MYO1G: variants seen among roughly 807,000 people sequenced by gnomAD.
The protein encoded by MYO1G is unconventional myosin-Ig.
MYO1G carries 65 observed loss-of-function variants against 115.3 expected under a neutral mutation model. The ratio of observed to expected loss-of-function variants is 0.56; its 90% CI spans 0.46 to 0.69. The LOEUF (loss-of-function observed/expected upper bound fraction) is 0.69. Among genes scored for constraint, MYO1G ranks in the 30% least tolerant of loss-of-function variants. The pLI, the probability that MYO1G is intolerant of heterozygous loss-of-function variation, is 0.00. For missense variants in MYO1G, 1,204 were observed against 1,393.5 expected, an observed-to-expected ratio of 0.86 and a Z score of 2.16; for synonymous variants, 510 against 552.6, an observed-to-expected ratio of 0.92 and a Z score of 1.08.
At position 44,963,329 on chromosome 7, in the gene MYO1G, A is replaced by G. The variant is rs978257595; in HGVS notation, c.2746-205T>C. On this transcript the variant is annotated intron_variant, in intron 20 of 21. Coordinates refer to ENST00000258787, the MANE Select transcript of MYO1G (RefSeq NM_033054.3). This position sits in a 1 kb window ranked among gnomAD's most constrained non-coding sequence, Gnocchi z 4.1. The stretch of plus-strand genomic sequence containing the variant: ...GGAAGCTTGGGCGGGACGCTGCACA[A>G]TACGATTTTCTCCAGGACTGATGGT... 21 of 558,390 alleles carry G rather than the reference A, an allele frequency of 3.8e-5. No individual in the cohort carries two copies. The highest frequency in any genetic ancestry group is 1.5e-4 in the Admixed American group (4 of 26,138). 34.6% of individuals were successfully genotyped at this position (558,390 alleles called of 1,614,324 possible). A position where few individuals can be genotyped will look rare whatever the true frequency, so the allele number is the denominator to read the frequency against.
chr7:44,962,873 G>T lies in MYO1G; in HGVS notation c.2923C>A (p.Arg975Ser). The T allele has an allele frequency of 6.7e-7, 1 of 1,494,726 alleles. No individual in the cohort carries two copies. Among genetic ancestry groups the T allele is most frequent in the Middle Eastern group, 1.8e-4 (1 of 5,556 alleles). The allele number at this position is 1,494,726 out of a possible 1,614,324, so 92.6% of individuals were successfully genotyped here. A position where few individuals can be genotyped will look rare whatever the true frequency, so the allele number is the denominator to read the frequency against. The change falls in exon 22 of 22, where the codon CGC (arginine) becomes AGC (serine). Residue 975 changes from arginine to serine, a missense_variant. Coordinates refer to ENST00000258787, the MANE Select transcript of MYO1G (RefSeq NM_033054.3). This position sits in a 1 kb window ranked among gnomAD's most constrained non-coding sequence, Gnocchi z 5.3. ...CTTAGTGGGATGCAGTCGGAGACGC[G>T]AACCTCCAGGGTGCGGCCCTCCCTG... ...CQGEGRTLEV[R>S]VSDCIPLSHR...
chr7:44,977,122 C>A, intron 1 of MYO1G, 51 bp from the exon 2 acceptor site: 1 of 1,573,814 alleles, frequency 6.4e-7, no homozygotes, highest in Non-Finnish European at 8.7e-7. Context: ...CAGGCACCCA[C>A]AGGCCTTTCG....
At position 44,970,722 on chromosome 7, in the gene MYO1G, G is replaced by A; in HGVS notation, c.1087C>T (p.Leu363=). Residue 363 remains leucine (L), a synonymous_variant, in exon 9 of 22, where the codon CTG becomes TTG. Transcript: ENST00000258787. ...DACAKAVYQR[L]FEWVVNRINS... ...ATCCTGTTCACCACCCACTCAAACA[G>A]CCGCTGGTACACTGCCTGGGGGATA... 6.2e-7 allele frequency: 1 copy of A among 1,614,002 alleles called. No homozygotes were observed. Among genetic ancestry groups the A allele is most frequent in the Non-Finnish European group, 8.5e-7 (1 of 1,180,028 alleles).
intron 7 of MYO1G, 89 bp downstream of exon 7, chr7:44,971,584 C>T (rs1362031743): frequency 4.2e-6 from 4 of 947,854 alleles, no homozygotes; most frequent in Admixed American, 4.5e-5. Context: ...GGGGCATCTC[C>T]AGCCAGTCTC....
At position 44,969,637 on chromosome 7, in the gene MYO1G, G is replaced by T. The variant is rs774729936; in HGVS notation, c.1503+68C>A. The stretch of plus-strand genomic sequence containing the variant: ...CCCCAACCAGGCCCCACGAGGCATG[G>T]GCAGCATGGTGCCTGTGGGGCAGGT... On this transcript the variant is annotated intron_variant, in intron 11 of 21. Coordinates refer to ENST00000258787, the MANE Select transcript of MYO1G (RefSeq NM_033054.3). This position sits in a 1 kb window ranked among gnomAD's most constrained non-coding sequence, Gnocchi z 5.0. 3.5e-4 allele frequency: 554 copies of T among 1,591,176 alleles called. 2 individuals carry two copies. The highest frequency in any genetic ancestry group is 8.0e-5 in the Non-Finnish European group (93 of 1,165,192).
rs1422965801 is a variant in MYO1G at position 44,969,668 on chromosome 7, C to T, written c.1503+37G>A. On this transcript the variant is annotated intron_variant, in intron 11 of 21. Coordinates refer to ENST00000258787, the MANE Select transcript of MYO1G (RefSeq NM_033054.3). The surrounding 1 kb of genome is among the most constrained non-coding windows in gnomAD (Gnocchi z 5.0). ...ATGGTGCCTGTGGGGCAGGTCCCAC[C>T]AGCCCACTGTGGTGGCACTGGGACA... 1.2e-6 allele frequency: 2 copies of T among 1,607,114 alleles called. No individual in the cohort carries two copies. The highest frequency in any genetic ancestry group is 1.3e-5 in the African/African-American group (1 of 74,816).
intron 4 of MYO1G, 47 bp downstream of exon 4, chr7:44,975,437 T>A: frequency 6.3e-7 from 1 of 1,577,620 alleles, no homozygotes; most frequent in Non-Finnish European, 8.6e-7. Context: ...CTGGGATGGG[T>A]CTCGGCCAGG....
chr7:44,967,606 T>C lies in MYO1G; in HGVS notation c.1781A>G (p.Lys594Arg). ...GAGTGGGAGAGGGGTGGAACATACC[T>C]TGGAGGCAAGGTTCTCCACCAGGGC... ...MVALVENLAS[K>R]EPFYVRCIKP... The change falls in exon 14 of 22, where the codon AAG becomes AGG. Residue 594 changes from lysine to arginine, a missense_variant and splice_region_variant. By Grantham distance (26) the Lys-to-Arg change is conservative. Transcript: ENST00000258787. 1 of 1,613,780 alleles carries C rather than the reference T, an allele frequency of 6.2e-7. No homozygotes were observed. The highest frequency in any genetic ancestry group is 8.5e-7 in the Non-Finnish European group (1 of 1,180,014).
At position 44,966,920 on chromosome 7, in the gene MYO1G, C is replaced by T; in HGVS notation, c.1783-82G>A. 1.4e-6 allele frequency: 2 copies of T among 1,405,330 alleles called. No individual in the cohort carries two copies. The highest frequency in any genetic ancestry group is 1.9e-6 in the Non-Finnish European group (2 of 1,038,356). The allele number at this position is 1,405,330 out of a possible 1,614,324, so 87.1% of individuals were successfully genotyped here. ...CCCCACACCAGGGGCTTCCTAACCC[C>T]TCAAGGTCCCAGGCCAGGAGAAGAG... On this transcript the variant is annotated intron_variant, in intron 14 of 21. Transcript: ENST00000258787. This position sits in a 1 kb window ranked among gnomAD's most constrained non-coding sequence, Gnocchi z 5.0.
chr7:44,966,601 C>A lies in MYO1G; in HGVS notation c.1949+71G>T. The A allele has an allele frequency of 6.3e-7, 1 of 1,589,692 alleles. No homozygotes were observed. Among genetic ancestry groups the A allele is most frequent in the African/African-American group, 1.3e-5 (1 of 74,532 alleles). On this transcript the variant is annotated intron_variant, in intron 15 of 21. Coordinates refer to ENST00000258787, the MANE Select transcript of MYO1G (RefSeq NM_033054.3). The surrounding 1 kb of genome is among the most constrained non-coding windows in gnomAD (Gnocchi z 5.0). Reference sequence around the variant, plus strand: ...GTTTGCGACGTGCTGTTTGGGGACCCTCTGCTCCTACCCCTTGGACTCCAC... The same window carrying A: ...GTTTGCGACGTGCTGTTTGGGGACCATCTGCTCCTACCCCTTGGACTCCAC...
intron 17 of MYO1G, among the ~76,000 whole-genome samples, 200 bp from the exon 18 acceptor site, chr7:44,965,289 G>A (rs1453548469): frequency 6.6e-6 from 1 of 152,236 alleles, no homozygotes; most frequent in South Asian, 2.1e-4. Flanking sequence ...CAGTCGCCCA[G>A]TGTCCTCCTG....
chr7:44,966,453 C>T lies in MYO1G; in HGVS notation c.1950-173G>A. 2.5e-6 allele frequency: 2 copies of T among 811,648 alleles called. No individual in the cohort carries two copies. The highest frequency in any genetic ancestry group is 5.3e-5 in the East Asian group (2 of 37,774). 50.3% of individuals were successfully genotyped at this position (811,648 alleles called of 1,614,324 possible). A position where few individuals can be genotyped will look rare whatever the true frequency, so the allele number is the denominator to read the frequency against. On this transcript the variant is annotated intron_variant, in intron 15 of 21. Coordinates refer to ENST00000258787, the MANE Select transcript of MYO1G (RefSeq NM_033054.3). The surrounding 1 kb of genome is among the most constrained non-coding windows in gnomAD (Gnocchi z 5.0). Reference sequence around the variant, plus strand: ...ACACATGTCCTCACATACATGTCCTCACACAGCCCTCATACCCATGTTCCC... The same window carrying T: ...ACACATGTCCTCACATACATGTCCTTACACAGCCCTCATACCCATGTTCCC...
At position 44,965,811 on chromosome 7, in the gene MYO1G, A is replaced by C; in HGVS notation, c.2207T>G (p.Ile736Ser). The change falls in exon 17 of 22, where the codon ATC becomes AGC. Residue 736 changes from isoleucine (I) to serine (S), a missense_variant. Transcript: ENST00000258787. ...CCGGAACCAGCGCATGATGGTGTAG[A>C]TAGCCCTCAGCCTCCGGCAGCGCCA... ...ARWRCRRLRA[I>S]YTIMRWFRRH... is the part of the protein sequence containing the mutation. 1 of 1,603,028 alleles carries C rather than the reference A, an allele frequency of 6.2e-7. No individual in the cohort carries two copies. Among genetic ancestry groups the C allele is most frequent in the East Asian group, 2.2e-5 (1 of 44,862 alleles).
In MYO1G at chr7:44,965,853, C is replaced by T. The variant is rs1195429620; in HGVS notation, c.2165G>A (p.Arg722Gln). Residue 722 changes from arginine (R) to glutamine (Q), a missense_variant, in exon 17 of 22, where the codon CGG (arginine) becomes CAG (glutamine). Physicochemically the swap from Arg to Gln is conservative, Grantham distance 43. Transcript: ENST00000258787. ...IIVLLLQKAW[R>Q]GTLARWRCRR... ...GCAGCGCCACCTCGCCAAGGTGCCC[C>T]GCCATGCCTGGGTGGGCCAGGTGGG... is the stretch of plus-strand genomic sequence containing the variant. The T allele has an allele frequency of 8.1e-6, 13 of 1,598,846 alleles. No individual in the cohort carries two copies. Among genetic ancestry groups the T allele is most frequent in the East Asian group, 2.2e-5 (1 of 44,860 alleles).
At position 44,965,658 on chromosome 7, in the gene MYO1G, G is replaced by A; in HGVS notation, c.2360C>T (p.Thr787Ile). ...PPAVLQPFQDTCHALFCRWRA... is the reference protein window; with the variant it reads ...PPAVLQPFQDICHALFCRWRA... ...GTACCTGCAGAAGAGTGCGTGGCAGGTGTCCTGGAAGGGCTGCAGCACAGC... is the reference window on the plus strand; with the variant it reads ...GTACCTGCAGAAGAGTGCGTGGCAGATGTCCTGGAAGGGCTGCAGCACAGC... The change falls in exon 17 of 22, where the codon ACC (threonine) becomes ATC (isoleucine). Residue 787 changes from threonine to isoleucine, a missense_variant. Transcript: ENST00000258787. 1 of 1,613,596 alleles carries A rather than the reference G, an allele frequency of 6.2e-7. No individual in the cohort carries two copies. Among genetic ancestry groups the A allele is most frequent in the East Asian group, 2.2e-5 (1 of 44,872 alleles).
intron 5 of MYO1G, 126 bp from the exon 6 acceptor site, chr7:44,972,351 G>A (rs1794975234): frequency 4.3e-6 from 3 of 699,554 alleles, no homozygotes; most frequent in Admixed American, 4.2e-5. Context: ...GTGGGGGAAG[G>A]TCAGACAGTG....
rs139197954 is a variant in MYO1G at position 44,975,793 on chromosome 7, C to A, written c.399-144G>T. 3.4e-3 allele frequency: 3,140 copies of A among 933,592 alleles called. 13 individuals are homozygous for A. The highest frequency in any genetic ancestry group is 4.2e-3 in the Non-Finnish European group (2,753 of 653,364). The allele number at this position is 933,592 out of a possible 1,614,324, so 57.8% of individuals were successfully genotyped here. A position where few individuals can be genotyped will look rare whatever the true frequency, so the allele number is the denominator to read the frequency against. On this transcript the variant is annotated intron_variant, in intron 3 of 21. Transcript: ENST00000258787. ...TGCTGAGAGGGAACCAATGGCCTGG[C>A]CTCGCCCAGTGTTGCCTCTGAGGTT...
intron 5 of MYO1G, chr7:44,973,351 C>G (rs1189752899): frequency 2.0e-5 from 3 of 152,124 alleles, no homozygotes; most frequent in African/African-American, 7.2e-5. Context: ...GATAGTGCCC[C>G]TGTCCCAGGG....
At position 44,964,289 on chromosome 7, in the gene MYO1G, G is replaced by T; in HGVS notation, c.2631+126C>A. ...TTTTGGGAGTGTCAGGAGCAGCTGG[G>T]CCTGGGCTGGGGTTGCCTCCATTTT... On this transcript the variant is annotated intron_variant, in intron 19 of 21. Coordinates refer to ENST00000258787, the MANE Select transcript of MYO1G (RefSeq NM_033054.3). The surrounding 1 kb of genome is among the most constrained non-coding windows in gnomAD (Gnocchi z 5.1). The T allele has an allele frequency of 7.8e-7, 1 of 1,284,642 alleles. No homozygotes were observed. The highest frequency in any genetic ancestry group is 1.1e-6 in the Non-Finnish European group (1 of 895,786). The allele number at this position is 1,284,642 out of a possible 1,614,324, so 79.6% of individuals were successfully genotyped here. A position where few individuals can be genotyped will look rare whatever the true frequency, so the allele number is the denominator to read the frequency against.
Sources: gnomAD v4.1 joint callset for allele counts (sites outside exome capture counted in the v4.1 genomes callset) on GRCh38, gnomAD v4.1.1 for gene constraint, Gnocchi (gnomAD v3.1) non-coding constraint, MANE v1.5 for transcripts, NCBI Gene and HGNC (gene_info 2026-07-23, HGNC 2026-07-21) for gene names.